Variants in POU6F2 observed in about 807,000 individuals in gnomAD.
The protein encoded by POU6F2 is POU class 6 homeobox 2.
Under a neutral mutation model 71.3 loss-of-function variants are expected in POU6F2, and 31 were observed. The ratio of observed to expected loss-of-function variants is 0.43; its 90% CI spans 0.33 to 0.59. POU6F2 has a LOEUF of 0.59. Among genes scored for constraint, POU6F2 ranks in the 20% least tolerant of loss-of-function variants. POU6F2 has a pLI of 0.04. For synonymous variants in POU6F2, 347 were observed against 355.7 expected (o/e 0.98, Z 0.27); for missense variants, 783 against 856.8 (o/e 0.91, Z 1.07).
chr7:39,113,592 C>T (rs565565238), intron 2 of POU6F2, among the ~76,000 whole-genome samples: 7 of 152,106 alleles, frequency 4.6e-5, no homozygotes, highest in Non-Finnish European at 8.8e-5. Context: ...CTAGTCAACT[C>T]GAAACAATCT....
At position 39,216,563 on chromosome 7, in the gene POU6F2, G is replaced by A. The variant is rs139249851; in HGVS notation, c.598+8943G>A. ...TAAAGGAGTACAAGGGAATTTGGGGGCTGATGCAACTGTTCTCTGTCTAGA... is the reference window on the plus strand; with the variant it reads ...TAAAGGAGTACAAGGGAATTTGGGGACTGATGCAACTGTTCTCTGTCTAGA... On this transcript the variant is annotated intron_variant, in intron 4 of 9. Transcript: ENST00000518318. Among the ~76,000 whole-genome samples the A allele has an allele frequency of 4.2e-3, 639 of 152,180 alleles. 3 individuals are homozygous for A. The highest frequency in any genetic ancestry group is 6.8e-3 in the Middle Eastern group (2 of 294).
chr7:39,148,331 G>A (rs1792664152), intron 2 of POU6F2, among the ~76,000 whole-genome samples: 1 of 152,096 alleles, frequency 6.6e-6, no homozygotes, highest in Non-Finnish European at 1.5e-5. Context: ...TCTGAACTCT[G>A]GTTGCCTCTT....
rs185236771 is a variant in POU6F2 at position 39,101,658 on chromosome 7, G to T, written c.277+15627G>T. 9.5e-4 allele frequency among the ~76,000 whole-genome samples: 145 copies of T among 152,106 alleles called. 2 individuals carry two copies. The East Asian group carries it at 0.024, about 25-fold the overall frequency. On this transcript the variant is annotated intron_variant, in intron 2 of 9. Coordinates refer to ENST00000518318, the MANE Select transcript of POU6F2 (RefSeq NM_001370959.1). Reference sequence around the variant, plus strand: ...GTTTCAGGGACTATAGTTAATAATAGCATGGTAACTATAGTTAATAATCAT... The same window carrying T: ...GTTTCAGGGACTATAGTTAATAATATCATGGTAACTATAGTTAATAATCAT...
chr7:39,254,021 T>A (rs768438740), intron 4 of POU6F2, among the ~76,000 whole-genome samples: 2 of 151,854 alleles, frequency 1.3e-5, no homozygotes, highest in Non-Finnish European at 2.9e-5. Context: ...ACAAGGAGAG[T>A]GTCCATTGAT....
chr7:39,141,479 T>C (rs902710437), intron 2 of POU6F2, among the ~76,000 whole-genome samples: 2 of 152,190 alleles, frequency 1.3e-5, no homozygotes, highest in African/African-American at 4.8e-5. Context: ...AAAGCTCTGA[T>C]TTATATTTAT....
At chr7:39,228,711 G>A (rs1794518199) in intron 4 of POU6F2, among the ~76,000 whole-genome samples, 1 of 152,202 alleles carries the variant, frequency 6.6e-6, no homozygotes, top group Non-Finnish European at 1.5e-5. Context: ...TAATCAGTAA[G>A]TAGTCGCAAA....
chr7:39,314,206 G>A (rs1562787057), intron 4 of POU6F2, among the ~76,000 whole-genome samples: 1 of 152,166 alleles, frequency 6.6e-6, no homozygotes, highest in African/African-American at 2.4e-5. Context: ...CCGGCGTGTG[G>A]GAGTCCAGCA....
intron 5 of POU6F2, among the ~76,000 whole-genome samples, chr7:39,347,043 G>A (rs1786046021): frequency 1.3e-5 from 2 of 152,132 alleles, no homozygotes; most frequent in Admixed American, 1.3e-4. Context: ...CGCTGTGCTG[G>A]ACATTTGAGT....
At chr7:39,205,185 G>A (rs1352271279) in intron 3 of POU6F2, among the ~76,000 whole-genome samples, 1 of 152,050 alleles carries the variant, frequency 6.6e-6, no homozygotes, top group Admixed American at 6.5e-5. Context: ...TGGACAGAAA[G>A]CCTGGGGAAA....
intron 4 of POU6F2, among the ~76,000 whole-genome samples, chr7:39,303,545 C>T (rs1442670817): frequency 6.6e-6 from 1 of 152,192 alleles, no homozygotes. Context: ...CTATTTTTCA[C>T]AATATGCTTA....
intron 4 of POU6F2, among the ~76,000 whole-genome samples, chr7:39,272,147 G>T (rs899764261): frequency 2.0e-5 from 3 of 152,148 alleles, no homozygotes; most frequent in African/African-American, 7.2e-5. Context: ...AGGATCATAG[G>T]GAAGAAACCA....
intron 1 of POU6F2, chr7:39,013,131 C>A: frequency 3.2e-5 from 5 of 154,638 alleles, no homozygotes; most frequent in Non-Finnish European, 7.2e-5. Context: ...CCCAGCCTCG[C>A]TGCCGCCTTG....
intron 1 of POU6F2, among the ~76,000 whole-genome samples, chr7:39,077,346 G>T (rs1480050912): frequency 1.3e-5 from 2 of 152,178 alleles, no homozygotes; most frequent in Admixed American, 6.5e-5. Context: ...TCAAGGTGAG[G>T]ATTCCGAGGA....
chr7:39,073,749 G>A lies in POU6F2; in HGVS notation c.106-12111G>A, dbSNP rs182944437. Among the ~76,000 whole-genome samples the A allele has an allele frequency of 2.7e-3, 415 of 152,354 alleles. 3 individuals are homozygous for A. The highest frequency in any genetic ancestry group is 9.4e-3 in the African/African-American group (393 of 41,588). ...ACTGCTGGGAAGCACAGGAAGCAACGCTGGAGCAACCAAGCCACATTAGCA... is the reference window on the plus strand; with the variant it reads ...ACTGCTGGGAAGCACAGGAAGCAACACTGGAGCAACCAAGCCACATTAGCA... On this transcript the variant is annotated intron_variant, in intron 1 of 9. Transcript: ENST00000518318.
intron 2 of POU6F2, among the ~76,000 whole-genome samples, chr7:39,161,271 C>CCACTT (rs1320909538): frequency 6.6e-6 from 1 of 152,212 alleles, no homozygotes; most frequent in Non-Finnish European, 1.5e-5. Flanking sequence ...TTAATACCTT[C>CCACTT]CACTTCATGT....
At chr7:39,191,030 G>A (rs922061904) in intron 2 of POU6F2, among the ~76,000 whole-genome samples, 4 of 152,094 alleles carry the variant, frequency 2.6e-5, no homozygotes, top group Admixed American at 6.6e-5. Context: ...GAAATTGTAC[G>A]TCAAAATCTC....
intron 1 of POU6F2, among the ~76,000 whole-genome samples, chr7:39,041,610 T>G (rs1790194673): frequency 1.3e-5 from 2 of 151,992 alleles, no homozygotes; most frequent in Non-Finnish European, 1.5e-5. Flanking sequence ...GATTTATTTA[T>G]AGGTACCCTT....
At chr7:39,012,602 G>T (rs1289613559) in intron 1 of POU6F2, among the ~76,000 whole-genome samples, 1 of 152,012 alleles carries the variant, frequency 6.6e-6, no homozygotes, top group Non-Finnish European at 1.5e-5. Context: ...GAGGCGCTCT[G>T]CATTTTAGAG....
At chr7:39,447,123 ATCT>A (rs1177862146) in intron 7 of POU6F2, among the ~76,000 whole-genome samples, 1 of 152,184 alleles carries the variant, frequency 6.6e-6, no homozygotes, top group Non-Finnish European at 1.5e-5. Context: ...TTTTTGGATA[ATCT>A]TCTAGCCACC....
Sources: gnomAD v4.1 joint callset for allele counts (sites outside exome capture counted in the v4.1 genomes callset) on GRCh38, gnomAD v4.1.1 for gene constraint, MANE v1.5 for transcripts, NCBI Gene and HGNC (gene_info 2026-07-23, HGNC 2026-07-21) for gene names.